Variants in ELOVL6 observed in about 807,000 individuals in gnomAD.
ELOVL6 encodes the protein ELOVL fatty acid elongase 6.
ELOVL6 carries 8 observed loss-of-function variants against 31.7 expected under a neutral mutation model. The ratio of observed to expected loss-of-function variants is 0.25; its 90% confidence interval spans 0.15 to 0.45. The LOEUF is 0.45. Ranked by LOEUF, ELOVL6 falls within the 20% of genes least tolerant of loss-of-function variation. The pLI, the probability that ELOVL6 is intolerant of heterozygous loss-of-function variation, is 1.00. For synonymous variants in ELOVL6, 101 were observed against 117.7 expected (o/e 0.86, Z 0.92); for missense variants, 126 against 326.4 (o/e 0.39, Z 4.73).
At chr4:110,099,191 A>T (rs1338846526) in intron 2 of ELOVL6, among the ~76,000 whole-genome samples, 1 of 152,184 alleles carries the variant, frequency 6.6e-6, no homozygotes, top group African/African-American at 2.4e-5. Context: ...AAATTTGTTT[A>T]TGATATCAGT....
At chr4:110,086,475 C>T (rs1453037174) in intron 2 of ELOVL6, among the ~76,000 whole-genome samples, 1 of 152,192 alleles carries the variant, frequency 6.6e-6, no homozygotes, top group Admixed American at 6.5e-5. Flanking sequence ...AGTGTTCCAA[C>T]TTGTTTCGTA....
At chr4:110,105,688 T>C in intron 1 of ELOVL6, 60 bp from the exon 2 acceptor site, 1 of 1,512,282 alleles carries the variant, frequency 6.6e-7, no homozygotes, top group Non-Finnish European at 9.1e-7. Flanking sequence ...CACCAAATTT[T>C]GTACCAGTTC....
intron 1 of ELOVL6, among the ~76,000 whole-genome samples, chr4:110,158,648 T>C (rs1398639833): frequency 2.2e-5 from 2 of 91,272 alleles, no homozygotes; most frequent in South Asian, 3.6e-4. Context: ...TATATATATA[T>C]ATATATATAT....
chr4:110,197,617 C>A (rs1759847597), intron 1 of ELOVL6, among the ~76,000 whole-genome samples: 1 of 152,056 alleles, frequency 6.6e-6, no homozygotes, highest in Non-Finnish European at 1.5e-5. Flanking sequence ...TCCCTCCCAC[C>A]CGGTCTCTCT....
At chr4:110,095,450 C>G in intron 2 of ELOVL6, among the ~76,000 whole-genome samples, 1 of 150,046 alleles carries the variant, frequency 6.7e-6, no homozygotes, top group Non-Finnish European at 1.5e-5. Context: ...CCACTGCATT[C>G]CAGCCTGGGT....
chr4:110,108,099 G>T (rs184331407), intron 1 of ELOVL6, among the ~76,000 whole-genome samples: 2 of 152,200 alleles, frequency 1.3e-5, no homozygotes, highest in East Asian at 3.9e-4. Context: ...AGATGAAGAA[G>T]AATTTCCCAT....
intron 2 of ELOVL6, among the ~76,000 whole-genome samples, chr4:110,098,101 G>A (rs992052001): frequency 6.6e-6 from 1 of 152,086 alleles, no homozygotes; most frequent in Non-Finnish European, 1.5e-5. Context: ...AACATTAACC[G>A]TGATAGATTC....
intron 1 of ELOVL6, among the ~76,000 whole-genome samples, chr4:110,161,946 A>G (rs895482899): frequency 6.6e-6 from 1 of 152,184 alleles, no homozygotes; most frequent in Non-Finnish European, 1.5e-5. Flanking sequence ...ACCTGGAATA[A>G]TGAGAATCTC....
At chr4:110,171,969 GTGAGCTAC>G (rs1046305689) in intron 1 of ELOVL6, among the ~76,000 whole-genome samples, 10 of 152,108 alleles carry the variant, frequency 6.6e-5, no homozygotes, top group Non-Finnish European at 1.5e-4. Flanking sequence ...GATTTCAGTT[GTGAGCTAC>G]TGTGCCCAGA....
intron 1 of ELOVL6, among the ~76,000 whole-genome samples, chr4:110,127,406 CA>C (rs572027886): frequency 5.3e-4 from 45 of 85,500 alleles, no homozygotes; most frequent in Admixed American, 6.5e-4. Context: ...GATTCCGTCT[CA>C]AAAAAAAAAA....
At chr4:110,172,876 A>G (rs1440995923) in intron 1 of ELOVL6, among the ~76,000 whole-genome samples, 20 of 152,246 alleles carry the variant, frequency 1.3e-4, no homozygotes, top group Non-Finnish European at 2.8e-4. Flanking sequence ...CAGGGGAAAA[A>G]GGAAAACCAA....
At chr4:110,073,697 C>T (rs1336173394) in intron 2 of ELOVL6, among the ~76,000 whole-genome samples, 2 of 152,108 alleles carry the variant, frequency 1.3e-5, no homozygotes, top group South Asian at 2.1e-4. Context: ...TTCCTTCCAC[C>T]GCTGCCCCTG....
At chr4:110,135,124 G>A (rs559703891) in intron 1 of ELOVL6, among the ~76,000 whole-genome samples, 6 of 152,254 alleles carry the variant, frequency 3.9e-5, no homozygotes, top group African/African-American at 1.2e-4. Flanking sequence ...ACTGGTTGAC[G>A]ATAAGAGAAT....
chr4:110,161,117 T>TC (rs1426150563), intron 1 of ELOVL6, among the ~76,000 whole-genome samples: 1 of 152,124 alleles, frequency 6.6e-6, no homozygotes, highest in African/African-American at 2.4e-5. Context: ...TGCAATGTAA[T>TC]CCAAGTAATA....
chr4:110,136,149 G>T (rs1395962785), intron 1 of ELOVL6, among the ~76,000 whole-genome samples: 1 of 152,178 alleles, frequency 6.6e-6, no homozygotes, highest in Non-Finnish European at 1.5e-5. Context: ...TTTGGTCTCA[G>T]ATTTCTAGAC....
intron 2 of ELOVL6, among the ~76,000 whole-genome samples, chr4:110,088,987 C>T (rs988721982): frequency 2.6e-5 from 4 of 152,144 alleles, no homozygotes; most frequent in Non-Finnish European, 5.9e-5. Context: ...CTACTGCACT[C>T]GTGTTTCATT....
intron 1 of ELOVL6, among the ~76,000 whole-genome samples, chr4:110,130,009 T>C (rs922970216): frequency 2.7e-5 from 4 of 149,376 alleles, no homozygotes; most frequent in African/African-American, 9.9e-5. Flanking sequence ...GCAGTTCTCC[T>C]GCCTCAGCCT....
At chr4:110,057,874 A>G in intron 3 of ELOVL6, among the ~76,000 whole-genome samples, 1 of 152,006 alleles carries the variant, frequency 6.6e-6, no homozygotes, top group South Asian at 2.1e-4. Flanking sequence ...AAAAAAAAAA[A>G]ATCACAAAAC....
At chr4:110,077,011 A>G (rs1755655875) in intron 2 of ELOVL6, among the ~76,000 whole-genome samples, 1 of 152,180 alleles carries the variant, frequency 6.6e-6, no homozygotes, top group African/African-American at 2.4e-5. Flanking sequence ...CTGAGATCAA[A>G]CTGCAAGGCC....
Sources: gnomAD v4.1 joint callset for allele counts (sites outside exome capture counted in the v4.1 genomes callset) on GRCh38, gnomAD v4.1.1 for gene constraint, MANE v1.5 for transcripts, NCBI Gene and HGNC (gene_info 2026-07-23, HGNC 2026-07-21) for gene names.